The following UTY variants were observed in gnomAD, a reference collection of about 807,000 sequenced individuals.
The protein encoded by UTY is ubiquitously transcribed tetratricopeptide repeat containing, Y-linked.
In UTY, 12 loss-of-function variants were observed where a neutral mutation model predicts 32.5. That is an observed-to-expected ratio of 0.37 (90% CI 0.24 to 0.60). The LOEUF (loss-of-function observed/expected upper bound fraction) is 0.60. Ranked by LOEUF, UTY falls within the 20% of genes least tolerant of loss-of-function variation. The pLI is 0.69. For synonymous variants in UTY, 131 were observed against 103.4 expected, an observed-to-expected ratio of 1.27 and a Z score of -1.62; for missense variants, 303 against 299.2, an observed-to-expected ratio of 1.01 and a Z score of -0.09.
At chrY:13,304,950 GA>G (rs2058584318) in intron 24 of UTY, among the ~76,000 whole-genome samples, 68 of 18,278 alleles carry the variant, frequency 3.7e-3, no homozygotes, top group Admixed American at 0.015. Flanking sequence ...AATGACGCAT[GA>G]AAAAAAAAAA....
intron 5 of UTY, among the ~76,000 whole-genome samples, chrY:13,414,002 A>G: frequency 1.2e-4 from 4 of 34,596 alleles, no homozygotes. Context: ...ATCCTTTGTC[A>G]GTACCCTTCC....
At chrY:13,332,994 T>A in intron 18 of UTY, among the ~76,000 whole-genome samples, 1 of 33,217 alleles carries the variant, frequency 3.0e-5, no homozygotes, top group Non-Finnish European at 7.4e-5. Context: ...CATTCACAAT[T>A]GCTACAGAGA....
At chrY:13,271,086 AC>A (rs2056273896) in intron 27 of UTY, among the ~76,000 whole-genome samples, 1 of 32,739 alleles carries the variant, frequency 3.1e-5, no homozygotes, top group Non-Finnish European at 7.4e-5. Context: ...TCAAAAACAA[AC>A]AAACAAAAAA....
chrY:13,472,332 C>T (rs2078578097), intron 2 of UTY, among the ~76,000 whole-genome samples: 1 of 31,626 alleles, frequency 3.2e-5, no homozygotes, highest in African/African-American at 1.2e-4. Context: ...TCACTAATCA[C>T]CAGAGAACTG....
chrY:13,433,219 G>C, intron 4 of UTY, among the ~76,000 whole-genome samples: 2 of 32,998 alleles, frequency 6.1e-5, no homozygotes, highest in African/African-American at 2.4e-4. Flanking sequence ...ATGTGAATGA[G>C]GAATTGATAA....
At chrY:13,360,333 C>A in intron 11 of UTY, 97 bp downstream of exon 11, 1 of 242,001 alleles carries the variant, frequency 4.1e-6, no homozygotes, top group South Asian at 4.0e-5. Flanking sequence ...CTACTATATC[C>A]AGCCAGTTAA....
intron 17 of UTY, among the ~76,000 whole-genome samples, chrY:13,352,223 G>A (rs1381375857): frequency 3.0e-5 from 1 of 33,458 alleles, no homozygotes; most frequent in African/African-American, 1.2e-4. Context: ...AATGGCCTCC[G>A]AGCATTTGAA....
At chrY:13,308,636 C>T (rs899268169) in intron 21 of UTY, among the ~76,000 whole-genome samples, 9 of 32,868 alleles carry the variant, frequency 2.7e-4, no homozygotes, top group Admixed American at 2.0e-3. Context: ...AACAAAAACC[C>T]CCCAGAGTAA....
Position 13,255,311 on chromosome Y carries a change from G to A in UTY, c.4138-4124C>T. Among the ~76,000 whole-genome samples, 7 of 33,455 alleles carry A rather than the reference G, an allele frequency of 2.1e-4. No homozygotes were observed. The East Asian group carries it at 3.1e-3, about 15-fold the overall frequency. 89.8% of individuals were successfully genotyped at this position (33,455 alleles called of 37,273 possible). A position where few individuals can be genotyped will look rare whatever the true frequency, so the allele number is the denominator to read the frequency against. ...AAAATGGGTTATGTCCCTGGTATGG[G>A]ACTAGAAGAAAATTTGCAAGGTTTG... On this transcript the variant is annotated intron_variant, in intron 28 of 29. Transcript: ENST00000545955.
At chrY:13,470,353 A>G in intron 2 of UTY, 124 bp from the exon 3 acceptor site, 2 of 130,707 alleles carry the variant, frequency 1.5e-5, no homozygotes, top group South Asian at 1.5e-4. Context: ...TTCCATAGGC[A>G]TAGGATTAAA....
intron 21 of UTY, chrY:13,323,071 T>A: frequency 4.4e-6 from 1 of 228,399 alleles, no homozygotes; most frequent in Non-Finnish European, 5.3e-6. Context: ...CCATTAGCAA[T>A]GTGTGTTTTA....
At chrY:13,331,044 G>T (rs1047948567) in intron 18 of UTY, among the ~76,000 whole-genome samples, 2 of 33,956 alleles carry the variant, frequency 5.9e-5, no homozygotes, top group African/African-American at 1.2e-4. Context: ...CAGAACACCT[G>T]GGGGAAGGGG....
chrY:13,275,529 A>G (rs1009540909), intron 27 of UTY, among the ~76,000 whole-genome samples: 3 of 34,014 alleles, frequency 8.8e-5, no homozygotes, highest in Non-Finnish European at 1.5e-4. Context: ...AGCCAAGATG[A>G]TAAGTACTAC....
chrY:13,359,784 T>C lies in UTY; in HGVS notation c.1168A>G (p.Arg390Gly). ...ATTTTTACCTGTAGAAATTTAATTC[T>C]TGCAGCAAGCGTAGAGGTATTACTA... is the stretch of plus-strand genomic sequence containing the variant. The part of the protein sequence containing the change: ...RCSNTSTLAA[R>G]IKFLQAQLCN... Residue 390 changes from arginine (R) to glycine (G), a missense_variant, in exon 12 of 30, where the codon AGA (arginine) becomes GGA (glycine). Coordinates refer to ENST00000545955, the MANE Select transcript of UTY (RefSeq NM_001258249.2). 1 of 396,449 alleles carries C rather than the reference T, an allele frequency of 2.5e-6. No homozygotes were observed. Among genetic ancestry groups the C allele is most frequent in the Non-Finnish European group, 3.5e-6 (1 of 282,282 alleles).
intron 27 of UTY, among the ~76,000 whole-genome samples, chrY:13,260,783 T>C (rs2055204309): frequency 3.0e-5 from 1 of 33,203 alleles, no homozygotes; most frequent in African/African-American, 1.2e-4. Context: ...GGCAAGAAGG[T>C]TGCCTATACC....
chrY:13,359,722 T>C, intron 12 of UTY, 45 bp downstream of exon 12: 2 of 324,213 alleles, frequency 6.2e-6, no homozygotes, highest in Non-Finnish European at 8.8e-6. Context: ...CCAATTATTA[T>C]AGGAATATAC....
intron 9 of UTY, among the ~76,000 whole-genome samples, chrY:13,367,469 A>G (rs768674302): frequency 2.4e-4 from 8 of 33,568 alleles, no homozygotes; most frequent in African/African-American, 8.1e-4. Context: ...TAGATAATAT[A>G]TGCTAAATGC....
chrY:13,334,433 G>T, intron 18 of UTY, among the ~76,000 whole-genome samples: 1 of 33,509 alleles, frequency 3.0e-5, no homozygotes, highest in African/African-American at 1.2e-4. Context: ...TTACAAGAAA[G>T]AACAGCCTCA....
At chrY:13,277,653 G>A in intron 27 of UTY, among the ~76,000 whole-genome samples, 2 of 33,505 alleles carry the variant, frequency 6.0e-5, no homozygotes, top group African/African-American at 1.2e-4. Context: ...AGCAACATGA[G>A]GAAAAATTCT....
Sources: gnomAD v4.1 joint callset for allele counts (sites outside exome capture counted in the v4.1 genomes callset) on GRCh38, gnomAD v4.1.1 for gene constraint, MANE v1.5 for transcripts, NCBI Gene and HGNC (gene_info 2026-07-23, HGNC 2026-07-21) for gene names.